The following NPSR1 variants were observed in gnomAD, a reference collection of about 807,000 sequenced individuals.
NPSR1 encodes neuropeptide S receptor 1.
NPSR1 carries 48 observed loss-of-function variants against 46.9 expected under a neutral mutation model. The ratio of observed to expected loss-of-function variants is 1.02; its 90% CI spans 0.81 to 1.30. The LOEUF (loss-of-function observed/expected upper bound fraction) is 1.30, where lower values mean the gene tolerates loss of function less well. Ranked by LOEUF, NPSR1 falls within the 50% of genes most tolerant of loss-of-function variation. The pLI is 0.00. For missense variants in NPSR1, 450 were observed against 449.5 expected, an observed-to-expected ratio of 1.00 and a Z score of -0.01; for synonymous variants, 176 against 168.1, an observed-to-expected ratio of 1.05 and a Z score of -0.36.
rs559772040 is a variant in NPSR1, at chr7:34,732,069, G to C, written c.281-46393G>C. On this transcript the variant is annotated intron_variant, in intron 2 of 8. Transcript: ENST00000360581. Reference sequence around the variant, plus strand: ...CATTCCAGCCTGGGTGACAGAGTGAGACTTCATCTCAAAAAAAAAAAAAAA... The same window carrying C: ...CATTCCAGCCTGGGTGACAGAGTGACACTTCATCTCAAAAAAAAAAAAAAA... Among the ~76,000 whole-genome samples, 14 of 107,084 alleles carry C rather than the reference G, an allele frequency of 1.3e-4. No homozygotes were observed. In the South Asian group the frequency reaches 3.3e-3, roughly 25 times the overall value. The allele number at this position is 107,084 out of a possible 152,430, so 70.3% of individuals were successfully genotyped here. A position where few individuals can be genotyped will look rare whatever the true frequency, so the allele number is the denominator to read the frequency against.
Position 34,848,647 on chromosome 7 carries a change from A to G in NPSR1, c.1009A>G (p.Ile337Val), listed in dbSNP as rs1790827961. ...CATCTACTGTGTCTTCAGCAGCTCCATCTCTTTCCCCTGCAGGTAAGGGGA... is the reference window on the plus strand; with the variant it reads ...CATCTACTGTGTCTTCAGCAGCTCCGTCTCTTTCCCCTGCAGGTAAGGGGA... Reference protein sequence around the residue: ...PLIYCVFSSSISFPCREQRSQ... With the variant: ...PLIYCVFSSSVSFPCREQRSQ... The change falls in exon 8 of 9, where the codon ATC (isoleucine) becomes GTC (valine). Residue 337 changes from isoleucine to valine, a missense_variant. Physicochemically the swap from Ile to Val is conservative, Grantham distance 29 (BLOSUM62 3). Coordinates refer to ENST00000360581, the MANE Select transcript of NPSR1 (RefSeq NM_207172.2). The G allele has an allele frequency of 1.9e-6, 3 of 1,613,968 alleles. No homozygotes were observed. The highest frequency in any genetic ancestry group is 2.5e-6 in the Non-Finnish European group (3 of 1,179,988).
intron 8 of NPSR1, among the ~76,000 whole-genome samples, chr7:34,872,483 C>A (rs1791481528): frequency 6.6e-6 from 1 of 151,974 alleles, no homozygotes; most frequent in African/African-American, 2.4e-5. Context: ...CGTGCTTGAA[C>A]TTCTCTCCTG....
chr7:34,712,537 C>A (rs1467976983), intron 2 of NPSR1, among the ~76,000 whole-genome samples: 1 of 152,106 alleles, frequency 6.6e-6, no homozygotes, highest in Admixed American at 6.5e-5. Context: ...TTATAAAGTA[C>A]CTGGTGATTC....
chr7:34,717,423 G>T (rs566686161), intron 2 of NPSR1, among the ~76,000 whole-genome samples: 2 of 152,196 alleles, frequency 1.3e-5, no homozygotes, highest in African/African-American at 4.8e-5. Context: ...GAGCCACTGC[G>T]CCCGGCCACA....
In NPSR1 at chr7:34,829,442, G is replaced by A. The variant is rs375013751; in HGVS notation, c.680+1840G>A. Reference sequence around the variant, plus strand: ...AAGGTAAGTCACAGCGCATGGGAAGGGGCCCATGGCAGAGGAGACAGGCAA... The same window carrying A: ...AAGGTAAGTCACAGCGCATGGGAAGAGGCCCATGGCAGAGGAGACAGGCAA... On this transcript the variant is annotated intron_variant, in intron 5 of 8. Transcript: ENST00000360581. Among the ~76,000 whole-genome samples, 3 of 152,202 alleles carry A rather than the reference G, an allele frequency of 2.0e-5. No homozygotes were observed. The South Asian group carries it at 6.2e-4, about 32-fold the overall frequency.
chr7:34,684,688 A>C lies in NPSR1; in HGVS notation c.280+4A>C. 1 of 1,608,536 alleles carries C rather than the reference A, an allele frequency of 6.2e-7. No homozygotes were observed. On this transcript the variant is annotated splice_donor_region_variant and intron_variant, in intron 2 of 8. Coordinates refer to ENST00000360581, the MANE Select transcript of NPSR1 (RefSeq NM_207172.2). Reference sequence around the variant, plus strand: ...GTGACTCAGCTGGCCATCACAGGTAAGTAACTATGCAAGTGAGAGGCAGGA... The same window carrying C: ...GTGACTCAGCTGGCCATCACAGGTACGTAACTATGCAAGTGAGAGGCAGGA...
Position 34,792,715 on chromosome 7 carries a change from T to TA in NPSR1, c.384+14150_384+14151insA, listed in dbSNP as rs1787980054. Among the ~76,000 whole-genome samples, 18 of 98,916 alleles carry TA rather than the reference T, an allele frequency of 1.8e-4. 1 individual carries two copies. Among genetic ancestry groups the TA allele is most frequent in the African/African-American group, 5.4e-4 (14 of 25,890 alleles). 64.9% of individuals were successfully genotyped at this position (98,916 alleles called of 152,430 possible). A position where few individuals can be genotyped will look rare whatever the true frequency, so the allele number is the denominator to read the frequency against. Reference sequence around the variant, plus strand: ...TATATATATACGTATATATATATATTTATATATATATATATATATTAGCCA... The same window carrying TA: ...TATATATATACGTATATATATATATTATATATATATATATATATATTAGCCA... On this transcript the variant is annotated intron_variant, in intron 3 of 8. Transcript: ENST00000360581.
intron 3 of NPSR1, among the ~76,000 whole-genome samples, chr7:34,793,745 G>GT (rs1161532972): frequency 5.9e-5 from 9 of 152,070 alleles, no homozygotes; most frequent in African/African-American, 1.7e-4. Context: ...AATGAAATCA[G>GT]TATGTCAAAG....
At chr7:34,806,021 T>G (rs1282516715) in intron 3 of NPSR1, among the ~76,000 whole-genome samples, 1 of 151,958 alleles carries the variant, frequency 6.6e-6, no homozygotes, top group Non-Finnish European at 1.5e-5. Flanking sequence ...CAAAAAAAAC[T>G]GAAAATACCA....
intron 2 of NPSR1, among the ~76,000 whole-genome samples, chr7:34,746,854 C>T (rs1330799188): frequency 1.3e-5 from 2 of 152,050 alleles, no homozygotes; most frequent in African/African-American, 2.4e-5. Flanking sequence ...TGGCTGGGTG[C>T]GGTGACTCTT....
At chr7:34,825,552 G>A (rs907600108) in intron 4 of NPSR1, among the ~76,000 whole-genome samples, 6 of 152,184 alleles carry the variant, frequency 3.9e-5, no homozygotes, top group African/African-American at 1.2e-4. Context: ...GCCTGAGGCT[G>A]TGTTAAAAAA....
intron 8 of NPSR1, among the ~76,000 whole-genome samples, chr7:34,874,127 C>G (rs1423924024): frequency 6.7e-6 from 1 of 148,904 alleles, no homozygotes; most frequent in Non-Finnish European, 1.5e-5. Flanking sequence ...GCTTCCCACC[C>G]CAGCCCAGTG....
chr7:34,736,799 G>A (rs866789778), intron 2 of NPSR1, among the ~76,000 whole-genome samples: 64 of 151,978 alleles, frequency 4.2e-4, no homozygotes, highest in African/African-American at 1.5e-3. Flanking sequence ...TAGACATAAG[G>A]TCTCTCTCTC....
intron 8 of NPSR1, among the ~76,000 whole-genome samples, chr7:34,856,316 C>T (rs1266741932): frequency 6.6e-6 from 1 of 151,496 alleles, no homozygotes; most frequent in African/African-American, 2.4e-5. Flanking sequence ...ATACAAAAAT[C>T]AATATTATTT....
At chr7:34,681,322 C>T (rs1033464544) in intron 1 of NPSR1, among the ~76,000 whole-genome samples, 3 of 152,158 alleles carry the variant, frequency 2.0e-5, no homozygotes, top group Non-Finnish European at 4.4e-5. Context: ...ATTTTCCTGT[C>T]ATTTTGGGCA....
chr7:34,701,540 T>A (rs937626209), intron 2 of NPSR1, among the ~76,000 whole-genome samples: 4 of 152,190 alleles, frequency 2.6e-5, no homozygotes, highest in Non-Finnish European at 5.9e-5. Context: ...TGGCACCCCA[T>A]GAACATAATA....
intron 7 of NPSR1, among the ~76,000 whole-genome samples, chr7:34,845,998 A>T (rs565275171): frequency 6.6e-6 from 1 of 152,308 alleles, no homozygotes; most frequent in South Asian, 2.1e-4. Context: ...CTGAAACGCA[A>T]CTGCAAAATG....
intron 5 of NPSR1, among the ~76,000 whole-genome samples, chr7:34,832,100 A>G (rs769233395): frequency 6.6e-6 from 1 of 152,248 alleles, no homozygotes; most frequent in African/African-American, 2.4e-5. Flanking sequence ...GTAGTCATCA[A>G]AATGAATAAA....
rs997416245 is a variant in NPSR1, at chr7:34,846,303, C to A, written c.844+1321C>A. Among the ~76,000 whole-genome samples, 25 of 152,176 alleles carry A rather than the reference C, an allele frequency of 1.6e-4. 1 individual carries two copies. Among genetic ancestry groups the A allele is most frequent in the Admixed American group, 7.8e-4 (12 of 15,294 alleles). On this transcript the variant is annotated intron_variant, in intron 7 of 8. Transcript: ENST00000360581. ...CTGTGGGATCCCTTCAGTCAGCAAG[C>A]AGGAACACCCTCTAGAGGGTCAGCA...
Sources: gnomAD v4.1 joint callset for allele counts (sites outside exome capture counted in the v4.1 genomes callset) on GRCh38, gnomAD v4.1.1 for gene constraint, MANE v1.5 for transcripts, NCBI Gene and HGNC (gene_info 2026-07-23, HGNC 2026-07-21) for gene names.